Variants in LAMA2 observed in about 807,000 individuals in gnomAD.
LAMA2 encodes the protein laminin subunit alpha 2.
In LAMA2, 269 loss-of-function variants were observed where a neutral mutation model predicts 364.8. That is an observed-to-expected ratio of 0.74 (90% CI 0.67 to 0.82). The LOEUF (loss-of-function observed/expected upper bound fraction) is 0.82. Among genes scored for constraint, LAMA2 ranks in the 40% least tolerant of loss-of-function variants. The pLI is 0.00. For synonymous variants in LAMA2, 1,379 were observed against 1,370.6 expected, an observed-to-expected ratio of 1.01 and a Z score of -0.14; for missense variants, 3,807 against 3,873.2, an observed-to-expected ratio of 0.98 and a Z score of 0.45.
At chr6:129,064,258 G>C (rs1470853492) in intron 3 of LAMA2, among the ~76,000 whole-genome samples, 1 of 149,712 alleles carries the variant, frequency 6.7e-6, no homozygotes, top group African/African-American at 2.5e-5. Flanking sequence ...ACACTGATAA[G>C]AAGAAGCAAA....
At chr6:129,141,790 C>A (rs1429905994) in intron 4 of LAMA2, among the ~76,000 whole-genome samples, 2 of 151,990 alleles carry the variant, frequency 1.3e-5, no homozygotes, top group African/African-American at 4.8e-5. Context: ...TGTCCTGTAC[C>A]CAAGCATCTC....
chr6:129,053,231 A>G (rs934530796), intron 2 of LAMA2, among the ~76,000 whole-genome samples: 1 of 152,040 alleles, frequency 6.6e-6, no homozygotes, highest in African/African-American at 2.4e-5. Context: ...ATGCCCGGCT[A>G]ATTTTGTATT....
At chr6:129,465,059 C>T (rs925282019) in intron 50 of LAMA2, 86 bp from the exon 51 acceptor site, 3 of 1,088,836 alleles carry the variant, frequency 2.8e-6, no homozygotes, top group Admixed American at 3.4e-5. Flanking sequence ...AGCCACAAGA[C>T]CCTAACATAA....
At chr6:129,493,440 T>C (rs1046065666) in intron 58 of LAMA2, among the ~76,000 whole-genome samples, 21 of 152,300 alleles carry the variant, frequency 1.4e-4, no homozygotes, top group African/African-American at 4.8e-4. Flanking sequence ...CCTGCTTAGC[T>C]TTTGAGATCA....
chr6:129,170,695 T>G (rs1404282317), intron 9 of LAMA2, among the ~76,000 whole-genome samples: 1 of 152,152 alleles, frequency 6.6e-6, no homozygotes, highest in Non-Finnish European at 1.5e-5. Context: ...GGTGCAGAGC[T>G]GTGTTCAATT....
rs2114287953 is a variant in LAMA2, at chr6:129,252,315, C to G, written c.2096+20C>G. ...CTTCAGGTAAAATCAAGAACTGCAG[C>G]TCCAACGTTCACACATTTACTTTGG... On this transcript the variant is annotated intron_variant, in intron 14 of 64. Coordinates refer to ENST00000421865, the MANE Select transcript of LAMA2 (RefSeq NM_000426.4). 1 of 1,576,258 alleles carries G rather than the reference C, an allele frequency of 6.3e-7. No individual in the cohort carries two copies. Among genetic ancestry groups the G allele is most frequent in the Non-Finnish European group, 8.7e-7 (1 of 1,147,432 alleles).
intron 56 of LAMA2, among the ~76,000 whole-genome samples, chr6:129,490,163 G>GTTT (rs1293287286): frequency 6.6e-5 from 10 of 152,216 alleles, no homozygotes; most frequent in Non-Finnish European, 1.2e-4. Context: ...TTTAGCTGTA[G>GTTT]TTTTCTAGCA....
At chr6:129,206,305 T>C (rs1181825723) in intron 12 of LAMA2, among the ~76,000 whole-genome samples, 7 of 152,208 alleles carry the variant, frequency 4.6e-5, no homozygotes, top group Non-Finnish European at 7.3e-5. Context: ...AGCATTTGCA[T>C]CAAGGTGAGT....
At chr6:128,942,626 C>T (rs1192605007) in intron 1 of LAMA2, among the ~76,000 whole-genome samples, 17 of 151,904 alleles carry the variant, frequency 1.1e-4, no homozygotes, top group Admixed American at 1.1e-3. Context: ...TGGCAGTTTT[C>T]TTCTAGTTGA....
chr6:129,280,094 T>A lies in LAMA2; in HGVS notation c.2484T>A (p.Leu828=). ...CAACGTGCCATTTAGACCGGAGTCTTGGATTGATCTGTGATGGATGCCCTG... is the reference window on the plus strand; with the variant it reads ...CAACGTGCCATTTAGACCGGAGTCTAGGATTGATCTGTGATGGATGCCCTG... ...FSPTCHLDRS[L]GLICDGCPVG... is the part of the protein sequence containing the mutation. The change falls in exon 18 of 65, where the codon CTT becomes CTA. Residue 828 remains leucine, a synonymous_variant. Coordinates refer to ENST00000421865, the MANE Select transcript of LAMA2 (RefSeq NM_000426.4). The A allele has an allele frequency of 6.2e-7, 1 of 1,613,560 alleles. No individual in the cohort carries two copies. Among genetic ancestry groups the A allele is most frequent in the South Asian group, 1.1e-5 (1 of 91,080 alleles).
intron 12 of LAMA2, among the ~76,000 whole-genome samples, chr6:129,224,107 A>T (rs977833164): frequency 2.0e-5 from 3 of 152,156 alleles, no homozygotes; most frequent in African/African-American, 7.2e-5. Flanking sequence ...CTTTGAAGCA[A>T]TTGTGAATAG....
intron 1 of LAMA2, among the ~76,000 whole-genome samples, chr6:129,021,864 A>G (rs1785472144): frequency 6.6e-6 from 1 of 152,196 alleles, no homozygotes; most frequent in African/African-American, 2.4e-5. Flanking sequence ...ACTAATTCGG[A>G]ATGCTACTTA....
At chr6:129,144,203 A>T in intron 5 of LAMA2, 123 bp downstream of exon 5, 1 of 664,978 alleles carries the variant, frequency 1.5e-6, no homozygotes, top group Non-Finnish European at 2.5e-6. Context: ...TTTTTATTTT[A>T]GAATTGTAGA....
chr6:129,194,273 GC>G (rs1781710503), intron 12 of LAMA2, among the ~76,000 whole-genome samples: 1 of 151,830 alleles, frequency 6.6e-6, no homozygotes, highest in South Asian at 2.1e-4. Context: ...AATTTCAGAG[GC>G]CTTATTTCTT....
rs7772939 is a variant in LAMA2, at chr6:128,915,019, A to T, written c.112+31662A>T. 1.6e-3 allele frequency among the ~76,000 whole-genome samples: 248 copies of T among 152,256 alleles called. 1 individual carries two copies. The highest frequency in any genetic ancestry group is 5.6e-3 in the African/African-American group (234 of 41,562). On this transcript the variant is annotated intron_variant, in intron 1 of 64. Coordinates refer to ENST00000421865, the MANE Select transcript of LAMA2 (RefSeq NM_000426.4). ...AAGTACAATTAAGACAATTAGCCAG[A>T]CCTATTTATGAGTAGCTCTAATTGG...
chr6:128,921,710 T>TA (rs1562832021), intron 1 of LAMA2, among the ~76,000 whole-genome samples: 10 of 148,100 alleles, frequency 6.8e-5, no homozygotes, highest in African/African-American at 2.6e-4. Flanking sequence ...TTTTTTTTTT[T>TA]TTTATTATTA....
At chr6:129,431,581 A>AC (rs1254815717) in intron 41 of LAMA2, among the ~76,000 whole-genome samples, 1 of 152,086 alleles carries the variant, frequency 6.6e-6, no homozygotes, top group East Asian at 1.9e-4. Context: ...GAGAGCATGG[A>AC]CCCCTGCACA....
chr6:128,895,468 TAAAAAA>T (rs34458994), intron 1 of LAMA2, among the ~76,000 whole-genome samples: 2 of 65,844 alleles, frequency 3.0e-5, no homozygotes, highest in South Asian at 5.5e-4. Flanking sequence ...CTGTCTCTAC[TAAAAAA>T]AAAAAAAAAA....
intron 19 of LAMA2, among the ~76,000 whole-genome samples, chr6:129,290,926 TTGAAA>T (rs1789651749): frequency 6.6e-6 from 1 of 152,194 alleles, no homozygotes; most frequent in Non-Finnish European, 1.5e-5. Flanking sequence ...CTTAAGATAC[TTGAAA>T]TGATGTTTTT....
Sources: gnomAD v4.1 joint callset for allele counts (sites outside exome capture counted in the v4.1 genomes callset) on GRCh38, gnomAD v4.1.1 for gene constraint, MANE v1.5 for transcripts, NCBI Gene and HGNC (gene_info 2026-07-23, HGNC 2026-07-21) for gene names.